ACP7: variants seen among roughly 807,000 people sequenced by gnomAD.
ACP7 encodes acid phosphatase 7, tartrate resistant (putative).
Under a neutral mutation model 60.6 loss-of-function variants are expected in ACP7, and 58 were observed. The ratio of observed to expected loss-of-function variants is 0.96; its 90% CI spans 0.77 to 1.19. The LOEUF (loss-of-function observed/expected upper bound fraction) is 1.19, where lower values mean the gene tolerates loss of function less well. ACP7 is among the 50% of genes most tolerant of loss of function. ACP7 has a pLI of 0.00. For missense variants in ACP7, 574 were observed against 596.2 expected, an observed-to-expected ratio of 0.96 and a Z score of 0.39; for synonymous variants, 237 against 232.6, an observed-to-expected ratio of 1.02 and a Z score of -0.17.
At chr19:39,090,444 CAGGCATG>C (rs1315665544) in intron 2 of ACP7, among the ~76,000 whole-genome samples, 2 of 148,624 alleles carry the variant, frequency 1.3e-5, no homozygotes, top group Non-Finnish European at 3.0e-5. Context: ...GCTAGGATTA[CAGGCATG>C]AGCCACTGTG....
chr19:39,106,728 TG>T (rs2073414437), intron 11 of ACP7, among the ~76,000 whole-genome samples: 1 of 152,180 alleles, frequency 6.6e-6, no homozygotes, highest in Non-Finnish European at 1.5e-5. Context: ...TTCACCATGT[TG>T]GCCAGGCTGG....
At chr19:39,101,892 G>A (rs2073350172) in intron 11 of ACP7, among the ~76,000 whole-genome samples, 1 of 150,172 alleles carries the variant, frequency 6.7e-6, no homozygotes, top group South Asian at 2.1e-4. Context: ...GATCACTTGA[G>A]GCCAGGAGTT....
At chr19:39,105,703 G>A (rs1205500327) in intron 11 of ACP7, among the ~76,000 whole-genome samples, 1 of 151,970 alleles carries the variant, frequency 6.6e-6, no homozygotes, top group Non-Finnish European at 1.5e-5. Flanking sequence ...GTATTGACAG[G>A]GTTTCGCCAT....
At chr19:39,101,443 C>T in intron 10 of ACP7, 23 bp from the exon 11 acceptor site, 3 of 1,614,026 alleles carry the variant, frequency 1.9e-6, no homozygotes, top group Non-Finnish European at 2.5e-6. Context: ...CTGCCTGCCA[C>T]CCAACGTTGT....
intron 12 of ACP7, among the ~76,000 whole-genome samples, chr19:39,107,454 G>A (rs1279236512): frequency 1.3e-5 from 2 of 151,702 alleles, no homozygotes; most frequent in African/African-American, 4.8e-5. Flanking sequence ...CGTGGTGGCA[G>A]GTGCCTATAG....
At chr19:39,085,862 C>T (rs2073135792) in intron 2 of ACP7, among the ~76,000 whole-genome samples, 1 of 152,172 alleles carries the variant, frequency 6.6e-6, no homozygotes, top group Non-Finnish European at 1.5e-5. Context: ...GGACTCTGGA[C>T]CATTGGCACC....
intron 2 of ACP7, among the ~76,000 whole-genome samples, chr19:39,090,194 A>G (rs1029966735): frequency 2.0e-5 from 3 of 151,654 alleles, no homozygotes; most frequent in Non-Finnish European, 2.9e-5. Context: ...TTTGAGACGG[A>G]GTCTTGCTCT....
chr19:39,106,873 G>C, intron 11 of ACP7, 74 bp from the exon 12 acceptor site: 1 of 1,576,768 alleles, frequency 6.3e-7, no homozygotes, highest in East Asian at 2.3e-5. Context: ...GCAGGGTCCT[G>C]GGCTAGCAGG....
rs1291673850 is a variant in ACP7 at position 39,106,969 on chromosome 19, C to T, written c.1136C>T (p.Pro379Leu). The T allele has an allele frequency of 6.2e-7, 1 of 1,613,902 alleles. No homozygotes were observed. The highest frequency in any genetic ancestry group is 1.7e-5 in the Admixed American group (1 of 60,008). The change falls in exon 12 of 13, where the codon CCC (proline) becomes CTC (leucine). Residue 379 changes from proline (P) to leucine (L), a missense_variant. Transcript: ENST00000331256. The part of the protein sequence containing the change: ...GSAGCEERLT[P>L]FAVFPRPWSA... ...CAGGGCTGTGAGGAGCGGCTGACGC[C>T]CTTTGCTGTCTTCCCGAGGCCCTGG...
At chr19:39,088,169 G>C in intron 2 of ACP7, among the ~76,000 whole-genome samples, 1 of 151,880 alleles carries the variant, frequency 6.6e-6, no homozygotes. Flanking sequence ...CTACAGACGT[G>C]CACTACCATG....
At chr19:39,102,820 CCCTT>C (rs762911828) in intron 11 of ACP7, among the ~76,000 whole-genome samples, 187 of 142,700 alleles carry the variant, frequency 1.3e-3, no homozygotes, top group Non-Finnish European at 1.9e-3. Context: ...CTTCCTCCCT[CCCTT>C]CCTTCCTTCC....
Position 39,110,786 on chromosome 19 carries a change from C to A in ACP7, c.*668C>A, listed in dbSNP as rs1015172846. On this transcript the variant is annotated 3_prime_UTR_variant, in exon 13 of 13. Transcript: ENST00000331256. ...AGACTTGCCAGTTCCTTCCCTCTTTCCTTCCTTTCTTTCCCTTCTTTTATT... is the reference window on the plus strand; with the variant it reads ...AGACTTGCCAGTTCCTTCCCTCTTTACTTCCTTTCTTTCCCTTCTTTTATT... 1 of 152,284 alleles carries A rather than the reference C, an allele frequency of 6.6e-6. No individual in the cohort carries two copies. The highest frequency in any genetic ancestry group is 6.6e-5 in the Admixed American group (1 of 15,264). 9.4% of individuals were successfully genotyped at this position (152,284 alleles called of 1,614,324 possible).
rs899996931 is a variant in ACP7 at position 39,085,221 on chromosome 19, T to G, written c.-49T>G. 4.4e-6 allele frequency: 7 copies of G among 1,577,326 alleles called. No individual in the cohort carries two copies. In the African/African-American group the frequency reaches 9.5e-5, roughly 21 times the overall value. The stretch of plus-strand genomic sequence containing the variant: ...CTGCTGTACCTGTGGGGAGCTGATC[T>G]CCTCAGTCCCCCTGCTTTTCCCCGG... On this transcript the variant is annotated 5_prime_UTR_variant, in exon 2 of 13. Coordinates refer to ENST00000331256, the MANE Select transcript of ACP7 (RefSeq NM_001004318.3).
At chr19:39,090,301 G>C (rs922512990) in intron 2 of ACP7, among the ~76,000 whole-genome samples, 1 of 151,322 alleles carries the variant, frequency 6.6e-6, no homozygotes, top group Non-Finnish European at 1.5e-5. Context: ...CCTGAGTAGC[G>C]GGGATTACAG....
At chr19:39,097,727 T>C (rs190423499) in intron 2 of ACP7, among the ~76,000 whole-genome samples, 2 of 152,002 alleles carry the variant, frequency 1.3e-5, no homozygotes, top group Admixed American at 1.3e-4. Context: ...TTAAATGATA[T>C]CATGTGTGTA....
intron 11 of ACP7, 70 bp downstream of exon 11, chr19:39,101,607 G>C (rs2073347189): frequency 6.6e-7 from 1 of 1,509,320 alleles, no homozygotes; most frequent in Non-Finnish European, 9.0e-7. Context: ...CTTTGTTCCA[G>C]ACTGAGTGCT....
intron 11 of ACP7, among the ~76,000 whole-genome samples, chr19:39,105,172 C>T (rs937907824): frequency 4.0e-5 from 6 of 151,492 alleles, no homozygotes; most frequent in Non-Finnish European, 7.4e-5. Flanking sequence ...TACGTCACCA[C>T]GCCCGGCTAA....
intron 12 of ACP7, among the ~76,000 whole-genome samples, chr19:39,109,487 T>A (rs907896955): frequency 6.6e-6 from 1 of 151,790 alleles, no homozygotes; most frequent in East Asian, 1.9e-4. Context: ...GGCGGATCAC[T>A]TGAGGTCAGG....
intron 11 of ACP7, among the ~76,000 whole-genome samples, chr19:39,102,745 TTCTTTCTTTCTTTCTTTCTTTC>T (rs1169004414): frequency 1.2e-5 from 1 of 81,742 alleles, no homozygotes; most frequent in Non-Finnish European, 2.6e-5. Flanking sequence ...CTTTCTTTCT[TTCTTTCTTTCTTTCTTTCTTTC>T]TCTCTCTCTC....
Sources: gnomAD v4.1 joint callset for allele counts (sites outside exome capture counted in the v4.1 genomes callset) on GRCh38, gnomAD v4.1.1 for gene constraint, MANE v1.5 for transcripts, NCBI Gene and HGNC (gene_info 2026-07-23, HGNC 2026-07-21) for gene names.